Variants in DNAH12 observed in about 807,000 individuals in gnomAD.
The protein encoded by DNAH12 is dynein axonemal heavy chain 12.
In DNAH12, 285 loss-of-function variants were observed where a neutral mutation model predicts 371.5. That is an observed-to-expected ratio of 0.77 (90% CI 0.70 to 0.85). The LOEUF (loss-of-function observed/expected upper bound fraction) is 0.85. DNAH12 is among the 40% of genes least tolerant of loss of function. The pLI, the probability that DNAH12 is intolerant of heterozygous loss-of-function variation, is 0.00. For synonymous variants in DNAH12, 1,200 were observed against 1,213.0 expected, an observed-to-expected ratio of 0.99 and a Z score of 0.22; for missense variants, 3,611 against 3,689.4, an observed-to-expected ratio of 0.98 and a Z score of 0.55.
chr3:57,322,509 T>C, intron 64 of DNAH12, 26 bp from the exon 65 acceptor site: 1 of 1,540,790 alleles, frequency 6.5e-7, no homozygotes, highest in Non-Finnish European at 8.8e-7. Context: ...TGGAGAGCAT[T>C]ATACAAGATA....
chr3:57,379,883 A>G (rs2063352739), intron 51 of DNAH12, among the ~76,000 whole-genome samples: 1 of 145,348 alleles, frequency 6.9e-6, no homozygotes, highest in Admixed American at 6.8e-5. Flanking sequence ...ATAAGTTGAG[A>G]GAACAAATGG....
intron 35 of DNAH12, among the ~76,000 whole-genome samples, chr3:57,423,088 A>C (rs1575581657): frequency 6.6e-6 from 1 of 152,238 alleles, no homozygotes; most frequent in Middle Eastern, 3.4e-3. Flanking sequence ...AAAAGTGGGG[A>C]AAACCCACTT....
intron 25 of DNAH12, among the ~76,000 whole-genome samples, chr3:57,447,735 T>A (rs2065563040): frequency 6.6e-6 from 1 of 152,318 alleles, no homozygotes; most frequent in Non-Finnish European, 1.5e-5. Context: ...AGCACAGTGG[T>A]GAGATCTTGA....
intron 57 of DNAH12, among the ~76,000 whole-genome samples, chr3:57,364,803 A>G (rs1406679051): frequency 6.6e-6 from 1 of 152,244 alleles, no homozygotes; most frequent in African/African-American, 2.4e-5. Flanking sequence ...AAAAATGGGC[A>G]AAGGACATAA....
chr3:57,376,698 G>A (rs1427401175), intron 53 of DNAH12, among the ~76,000 whole-genome samples: 3 of 152,090 alleles, frequency 2.0e-5, no homozygotes, highest in Admixed American at 6.6e-5. Context: ...CATAAAATTG[G>A]AAAGAACTGT....
intron 73 of DNAH12, among the ~76,000 whole-genome samples, chr3:57,295,319 AAGC>A (rs2061210453): frequency 1.3e-5 from 2 of 152,226 alleles, no homozygotes; most frequent in African/African-American, 4.8e-5. Context: ...TACGATAAAA[AAGC>A]AGCATGGTAT....
rs2067659484 is a variant in DNAH12, at chr3:57,504,085, A to G, written c.1017T>C (p.Phe339=). 6.2e-7 allele frequency: 1 copy of G among 1,614,078 alleles called. No homozygotes were observed. The highest frequency in any genetic ancestry group is 2.2e-5 in the East Asian group (1 of 44,846). The change falls in exon 9 of 74, where the codon TTT becomes TTC. Residue 339 remains phenylalanine, a synonymous_variant. Coordinates refer to ENST00000495027, the MANE Select transcript of DNAH12 (RefSeq NM_001366028.2). The part of the protein sequence containing the change: ...ELTFDDDKME[F]YPTFQDLEDN... Reference sequence around the variant, plus strand: ...CTTCCAAATCTTGAAAGGTAGGATAAAATTCCATTTTGTCGTCATCAAATG... The same window carrying G: ...CTTCCAAATCTTGAAAGGTAGGATAGAATTCCATTTTGTCGTCATCAAATG...
chr3:57,300,346 G>A (rs1268088765), intron 70 of DNAH12, among the ~76,000 whole-genome samples: 1 of 152,140 alleles, frequency 6.6e-6, no homozygotes, highest in African/African-American at 2.4e-5. Flanking sequence ...AAGAGTCCAA[G>A]AGAAAGAAAG....
Position 57,342,484 on chromosome 3 carries a change from CAA to C in DNAH12, c.9675-7546_9675-7545del, listed in dbSNP as rs71088060. ...TGAAACCCTATCTCTACTAAAAATA[CAA>C]AAAAAAAAAAAAAAAAAAAAAATTA... On this transcript the variant is annotated intron_variant, in intron 60 of 73. Transcript: ENST00000495027. Among the ~76,000 whole-genome samples, 520 of 66,040 alleles carry C rather than the reference CAA, an allele frequency of 7.9e-3. 7 individuals carry two copies. Among genetic ancestry groups the C allele is most frequent in the African/African-American group, 0.024 (426 of 17,664 alleles). The allele number at this position is 66,040 out of a possible 152,430, so 43.3% of individuals were successfully genotyped here.
chr3:57,452,793 C>G (rs2065792191), intron 25 of DNAH12, 50 bp downstream of exon 25: 2 of 1,483,056 alleles, frequency 1.3e-6, no homozygotes, highest in African/African-American at 1.4e-5. Flanking sequence ...GATGACGCTA[C>G]AGCAAAAAGT....
chr3:57,455,422 T>A (rs77164933), intron 22 of DNAH12, among the ~76,000 whole-genome samples: 10 of 148,802 alleles, frequency 6.7e-5, no homozygotes, highest in East Asian at 2.0e-4. Flanking sequence ...AAAAAAAAAA[T>A]AGCTGGGCAT....
At chr3:57,296,098 A>G (rs955954821) in intron 72 of DNAH12, among the ~76,000 whole-genome samples, 9 of 152,230 alleles carry the variant, frequency 5.9e-5, no homozygotes, top group African/African-American at 2.2e-4. Context: ...ATAAAATGGA[A>G]TAGGCAGGAA....
intron 30 of DNAH12, among the ~76,000 whole-genome samples, chr3:57,435,966 G>A (rs2065110057): frequency 6.6e-6 from 1 of 151,854 alleles, no homozygotes; most frequent in African/African-American, 2.4e-5. Context: ...CAAGAAGCAG[G>A]CTCAAAACAT....
At position 57,323,760 on chromosome 3, in the gene DNAH12, T is replaced by G. The variant is rs186918735; in HGVS notation, c.9979-141A>C. 30 of 884,186 alleles carry G rather than the reference T, an allele frequency of 3.4e-5. No individual in the cohort carries two copies. The Admixed American group carries it at 9.1e-4, about 27-fold the overall frequency. The allele number at this position is 884,186 out of a possible 1,614,324, so 54.8% of individuals were successfully genotyped here. A position where few individuals can be genotyped will look rare whatever the true frequency, so the allele number is the denominator to read the frequency against. On this transcript the variant is annotated intron_variant, in intron 62 of 73. Transcript: ENST00000495027. ...ATAGCATCATAGACAAAGCACTAATTTCTCTAAAAAATAAAAACTATATAC... is the reference window on the plus strand; with the variant it reads ...ATAGCATCATAGACAAAGCACTAATGTCTCTAAAAAATAAAAACTATATAC...
Position 57,412,226 on chromosome 3 carries a change from C to T in DNAH12, c.6020+1520G>A, listed in dbSNP as rs187026463. On this transcript the variant is annotated intron_variant, in intron 39 of 73. Transcript: ENST00000495027. Reference sequence around the variant, plus strand: ...AAGACCCCTGTCTTTTAGCAAAAGACAAATATCGTTAAACAACTGGACATA... The same window carrying T: ...AAGACCCCTGTCTTTTAGCAAAAGATAAATATCGTTAAACAACTGGACATA... Among the ~76,000 whole-genome samples, 6 of 152,158 alleles carry T rather than the reference C, an allele frequency of 3.9e-5. No homozygotes were observed. In the East Asian group the frequency reaches 9.6e-4, roughly 24 times the overall value.
chr3:57,429,745 C>G lies in DNAH12; in HGVS notation c.5010G>C (p.Gln1670His), dbSNP rs1397450520. The G allele has an allele frequency of 7.2e-6, 11 of 1,530,474 alleles. No individual in the cohort carries two copies. The highest frequency in any genetic ancestry group is 9.7e-6 in the Non-Finnish European group (11 of 1,139,860). The allele number at this position is 1,530,474 out of a possible 1,614,324, so 94.8% of individuals were successfully genotyped here. ...AGATGAGGCTCATTTGGGGGGACATCTGAATGATTTCTCCACTCATAAGGC... is the reference window on the plus strand; with the variant it reads ...AGATGAGGCTCATTTGGGGGGACATGTGAATGATTTCTCCACTCATAAGGC... ...KLCLMSGEII[Q>H]MSPQMSLIFE... Residue 1670 changes from glutamine (Q) to histidine (H), a missense_variant, in exon 33 of 74, where the codon CAG (glutamine) becomes CAC (histidine). Gln to His is a conservative substitution (Grantham distance 24, BLOSUM62 0). Transcript: ENST00000495027.
chr3:57,396,214 G>A (rs1187504727), intron 43 of DNAH12, among the ~76,000 whole-genome samples: 10 of 139,894 alleles, frequency 7.1e-5, no homozygotes, highest in African/African-American at 2.6e-4. Context: ...GGAGGCAGAG[G>A]TTGCAGTGAG....
chr3:57,371,669 GCA>G (rs878975719), intron 55 of DNAH12, among the ~76,000 whole-genome samples: 11,623 of 147,174 alleles, frequency 0.079, 1,359 homozygotes, highest in African/African-American at 0.26. Flanking sequence ...CTCAAAACAC[GCA>G]CACACACACA....
chr3:57,522,469 G>A (rs957663256), intron 4 of DNAH12, among the ~76,000 whole-genome samples: 7 of 152,130 alleles, frequency 4.6e-5, no homozygotes, highest in African/African-American at 1.2e-4. Context: ...GGAATGTTGT[G>A]TATCAGTAAT....
Sources: allele counts gnomAD v4.1 joint callset (sites outside exome capture counted in the v4.1 genomes callset), GRCh38; gene constraint gnomAD v4.1.1; transcripts MANE v1.5; gene names NCBI Gene and HGNC (gene_info 2026-07-23, HGNC 2026-07-21).